The following ADGRV1 variants were observed in gnomAD, a reference collection of about 807,000 sequenced individuals.
The protein encoded by ADGRV1 is adhesion G protein-coupled receptor V1, also known as G-protein coupled receptor 98.
ADGRV1 carries 359 observed loss-of-function variants against 596.2 expected under a neutral mutation model. The observed-to-expected ratio is 0.60, with a 90% confidence interval of 0.55 to 0.66. The LOEUF is 0.66. Ranked by LOEUF, ADGRV1 falls within the 30% of genes least tolerant of loss-of-function variation. The pLI, the probability that ADGRV1 is intolerant of heterozygous loss-of-function variation, is 0.00. For synonymous variants in ADGRV1, 2,681 were observed against 2,679.2 expected (o/e 1.00, Z -0.02); for missense variants, 7,274 against 7,575.6 (o/e 0.96, Z 1.48).
At chr5:90,882,320 T>C (rs1360304311) in intron 83 of ADGRV1, among the ~76,000 whole-genome samples, 2 of 152,240 alleles carry the variant, frequency 1.3e-5, no homozygotes, top group Admixed American at 1.3e-4. Context: ...AAAGGAAATA[T>C]TGAATATTCT....
intron 83 of ADGRV1, among the ~76,000 whole-genome samples, chr5:90,897,633 T>A (rs1271640068): frequency 6.6e-6 from 1 of 152,204 alleles, no homozygotes; most frequent in Non-Finnish European, 1.5e-5. Flanking sequence ...ATTCTACTAT[T>A]GTAATATCAT....
chr5:90,677,543 C>T (rs1163784941), intron 25 of ADGRV1, among the ~76,000 whole-genome samples: 1 of 151,998 alleles, frequency 6.6e-6, no homozygotes, highest in African/African-American at 2.4e-5. Flanking sequence ...AGCTAAAAAT[C>T]CTTATGTAAT....
chr5:90,760,275 C>CA (rs5869517), intron 58 of ADGRV1, among the ~76,000 whole-genome samples: 20,295 of 77,046 alleles, frequency 0.26, 1,735 homozygotes, highest in Non-Finnish European at 0.29. Context: ...GACTTCGTCT[C>CA]AAAAAAAAAA....
chr5:91,046,057 G>A lies in ADGRV1; in HGVS notation c.18153-26390G>A, dbSNP rs141066678. Reference sequence around the variant, plus strand: ...GGAAACGCATCCCATGCTCATGGATGGGTAGAATAAATGTTGTGAAAATGA... The same window carrying A: ...GGAAACGCATCCCATGCTCATGGATAGGTAGAATAAATGTTGTGAAAATGA... On this transcript the variant is annotated intron_variant, in intron 85 of 89. Transcript: ENST00000405460. Among the ~76,000 whole-genome samples the A allele has an allele frequency of 5.8e-3, 882 of 152,188 alleles. 7 individuals are homozygous for A. Among genetic ancestry groups the A allele is most frequent in the African/African-American group, 0.021 (853 of 41,518 alleles).
chr5:91,154,214 T>C (rs568272109), intron 89 of ADGRV1, among the ~76,000 whole-genome samples: 14 of 152,358 alleles, frequency 9.2e-5, no homozygotes, highest in African/African-American at 2.2e-4. Flanking sequence ...CTGACACTTA[T>C]AAAAATTCCA....
intron 83 of ADGRV1, among the ~76,000 whole-genome samples, chr5:90,876,879 G>A (rs534613640): frequency 6.6e-5 from 10 of 152,182 alleles, no homozygotes; most frequent in East Asian, 3.9e-4. Flanking sequence ...GTACTATGAC[G>A]CAGTAATGTC....
chr5:90,774,576 G>GTAAAA (rs1475462690), intron 60 of ADGRV1, among the ~76,000 whole-genome samples: 10 of 152,188 alleles, frequency 6.6e-5, no homozygotes, highest in Admixed American at 2.0e-4. Context: ...TTTATAAAAT[G>GTAAAA]TAAAATAAAA....
Position 90,637,928 on chromosome 5 carries a change from T to C in ADGRV1, c.2220T>C (p.Thr740=), listed in dbSNP as rs1176772503. ...KGDDIPEMNE[T]VTLSLDRVNV... ...ATGACATACCGGAAATGAATGAAACTGTAACACTTTCTCTAGACAGGTAAT... is the reference window on the plus strand; with the variant it reads ...ATGACATACCGGAAATGAATGAAACCGTAACACTTTCTCTAGACAGGTAAT... Residue 740 remains threonine (T), a synonymous_variant, in exon 11 of 90, where the codon ACT becomes ACC. Transcript: ENST00000405460. The C allele has an allele frequency of 1.9e-6, 3 of 1,612,438 alleles. No homozygotes were observed. The East Asian group carries it at 6.7e-5, about 36-fold the overall frequency.
chr5:90,829,640 T>G (rs1446313543), intron 77 of ADGRV1, among the ~76,000 whole-genome samples: 3 of 152,142 alleles, frequency 2.0e-5, no homozygotes, highest in African/African-American at 7.2e-5. Flanking sequence ...TGCCACTTTT[T>G]TCACATCCAT....
intron 83 of ADGRV1, among the ~76,000 whole-genome samples, chr5:90,890,657 A>C (rs569884147): frequency 6.6e-6 from 1 of 152,284 alleles, no homozygotes; most frequent in East Asian, 1.9e-4. Flanking sequence ...ACGCCTCCTT[A>C]CATATAAATG....
intron 83 of ADGRV1, among the ~76,000 whole-genome samples, chr5:90,894,596 A>T (rs191470518): frequency 1.3e-5 from 2 of 152,292 alleles, no homozygotes; most frequent in East Asian, 3.9e-4. Flanking sequence ...GTACCTTGTT[A>T]AAACCACAGC....
At chr5:90,814,792 A>C (rs542801692) in intron 74 of ADGRV1, among the ~76,000 whole-genome samples, 2 of 152,292 alleles carry the variant, frequency 1.3e-5, no homozygotes, top group Admixed American at 1.3e-4. Flanking sequence ...AAATGAACTA[A>C]TACACATGGT....
At chr5:90,907,123 T>A (rs1337825134) in intron 83 of ADGRV1, among the ~76,000 whole-genome samples, 1 of 152,176 alleles carries the variant, frequency 6.6e-6, no homozygotes, top group Non-Finnish European at 1.5e-5. Context: ...TTATGGGCAT[T>A]ATGAATACAT....
chr5:90,802,790 C>G lies in ADGRV1; in HGVS notation c.14569C>G (p.Leu4857Val), dbSNP rs1231301415. ...NFTLQLVTVMLVGGRFYGMPT... is the reference protein window; with the variant it reads ...NFTLQLVTVMVVGGRFYGMPT... The stretch of plus-strand genomic sequence containing the variant: ...CACTTTGCAACTGGTGACTGTGATG[C>G]TTGTCGGTGGACGTTTCTATGGAAT... Residue 4857 changes from leucine to valine, a missense_variant, in exon 71 of 90, where the codon CTT becomes GTT. Around this residue, in one of 5 missense-constraint regions of ADGRV1, gnomAD observed 1,874 missense variants for 1,970.2 expected, o/e 0.95. Transcript: ENST00000405460. The G allele has an allele frequency of 6.2e-7, 1 of 1,613,072 alleles. No homozygotes were observed. The highest frequency in any genetic ancestry group is 2.2e-5 in the East Asian group (1 of 44,866).
chr5:90,976,056 C>T (rs754668679), intron 84 of ADGRV1, among the ~76,000 whole-genome samples: 12 of 151,756 alleles, frequency 7.9e-5, no homozygotes, highest in Admixed American at 2.0e-4. Context: ...ATCTTTTTCT[C>T]ACTATTTCTT....
At chr5:91,024,221 T>A (rs1783853949) in intron 85 of ADGRV1, among the ~76,000 whole-genome samples, 1 of 152,156 alleles carries the variant, frequency 6.6e-6, no homozygotes, top group Admixed American at 6.6e-5. Flanking sequence ...CCCTGTCTAG[T>A]GTTGGATGAC....
chr5:90,775,487 A>T (rs1435507752), intron 60 of ADGRV1, among the ~76,000 whole-genome samples: 1 of 152,026 alleles, frequency 6.6e-6, no homozygotes, highest in Non-Finnish European at 1.5e-5. Context: ...TATCAAAAAA[A>T]TTTTTTTGAG....
chr5:91,012,694 T>G (rs977056707), intron 85 of ADGRV1, among the ~76,000 whole-genome samples: 1 of 152,034 alleles, frequency 6.6e-6, no homozygotes, highest in Non-Finnish European at 1.5e-5. Context: ...CATAAATGTT[T>G]AAAATACATA....
intron 58 of ADGRV1, among the ~76,000 whole-genome samples, chr5:90,760,426 A>C (rs1756395950): frequency 6.6e-6 from 1 of 152,186 alleles, no homozygotes; most frequent in Non-Finnish European, 1.5e-5. Flanking sequence ...TAATATCAGG[A>C]AATTACAAAG....
Sources: allele counts gnomAD v4.1 joint callset (sites outside exome capture counted in the v4.1 genomes callset), GRCh38; gene constraint gnomAD v4.1.1; regional missense constraint gnomAD v4.1.1; transcripts MANE v1.5; gene names NCBI Gene and HGNC (gene_info 2026-07-23, HGNC 2026-07-21).